The following USH2A variants were observed in gnomAD, a reference collection of about 807,000 sequenced individuals.
USH2A encodes usherin.
In USH2A, 443 loss-of-function variants were observed where a neutral mutation model predicts 538.9. The ratio of observed to expected loss-of-function variants is 0.82; its 90% CI spans 0.76 to 0.89. USH2A has a LOEUF of 0.89. USH2A is among the 40% of genes least tolerant of loss of function. The pLI is 0.00. For missense variants in USH2A, 6,633 were observed against 6,324.8 expected (o/e 1.05, Z -1.65); for synonymous variants, 2,413 against 2,273.5 (o/e 1.06, Z -1.75).
chr1:216,196,042 T>C (rs1347661545), intron 19 of USH2A: 1 of 175,668 alleles, frequency 5.7e-6, no homozygotes, highest in Non-Finnish European at 1.3e-5. Context: ...AATATATGAC[T>C]GTATATTCAA....
At position 215,888,839 on chromosome 1, in the gene USH2A, T is replaced by G. The variant is rs761850134; in HGVS notation, c.7810A>C (p.Thr2604Pro). ...GGTGAAAGGGAACATCCTTTTGAAG[T>G]GCAGGCTTCTACCTGAAACTTATAG... ...TAYKFQVEAC[T>P]SKGCSLSPES... The change falls in exon 41 of 72, where the codon ACT (threonine) becomes CCT (proline). Residue 2604 changes from threonine (T) to proline (P), a missense_variant. Coordinates refer to ENST00000307340, the MANE Select transcript of USH2A (RefSeq NM_206933.4). 1.9e-6 allele frequency: 3 copies of G among 1,614,142 alleles called. No homozygotes were observed.
At chr1:216,031,911 AACTCG>A (rs1202687360) in intron 32 of USH2A, among the ~76,000 whole-genome samples, 1 of 152,156 alleles carries the variant, frequency 6.6e-6, no homozygotes, top group Non-Finnish European at 1.5e-5. Context: ...TCAGTTCTTA[AACTCG>A]ACTCTAAAGC....
chr1:216,285,130 G>A (rs777339251), intron 11 of USH2A, among the ~76,000 whole-genome samples: 2 of 152,210 alleles, frequency 1.3e-5, no homozygotes, highest in African/African-American at 2.4e-5. Flanking sequence ...GAAGCCAAAT[G>A]TTAATCACCA....
chr1:216,324,250 C>A lies in USH2A; in HGVS notation c.1246G>T (p.Ala416Ser), dbSNP rs187897763. The change falls in exon 7 of 72, where the codon GCC becomes TCC. Residue 416 changes from alanine (A) to serine (S), a missense_variant. Physicochemically the swap from Ala to Ser is moderately conservative, Grantham distance 99 (BLOSUM62 1). Coordinates refer to ENST00000307340, the MANE Select transcript of USH2A (RefSeq NM_206933.4). ...ATTCCAAAAGCACCACAATTCCTGG[C>A]AAAATATTGCCAGTCCTCCCAATCT... The part of the protein sequence containing the change: ...SLDWEDWQYF[A>S]RNCGAFGMKN... 5 of 1,613,368 alleles carry A rather than the reference C, an allele frequency of 3.1e-6. No individual in the cohort carries two copies. In the Admixed American group the frequency reaches 6.7e-5, roughly 22 times the overall value.
intron 60 of USH2A, among the ~76,000 whole-genome samples, chr1:215,733,106 T>G (rs1660053216): frequency 6.7e-6 from 1 of 148,280 alleles, no homozygotes; most frequent in Non-Finnish European, 1.5e-5. Flanking sequence ...CATCTGCTTA[T>G]GAGAGACTCA....
chr1:215,949,690 G>A (rs144423428), intron 37 of USH2A, among the ~76,000 whole-genome samples: 126 of 151,796 alleles, frequency 8.3e-4, no homozygotes, highest in African/African-American at 2.9e-3. Flanking sequence ...AACTGTAGAC[G>A]GAGAAAATAT....
chr1:215,678,730 ACACG>A (rs774414940), intron 62 of USH2A, among the ~76,000 whole-genome samples: 92 of 152,082 alleles, frequency 6.0e-4, no homozygotes, highest in Non-Finnish European at 1.0e-3. Context: ...ACACACACAC[ACACG>A]CACGTGCACT....
chr1:215,656,169 T>C (rs1448117687), intron 64 of USH2A, among the ~76,000 whole-genome samples: 1 of 152,238 alleles, frequency 6.6e-6, no homozygotes, highest in Non-Finnish European at 1.5e-5. Flanking sequence ...GTTTTCACCT[T>C]AATGCTTTGC....
chr1:215,879,712 T>A (rs916060344), intron 41 of USH2A, among the ~76,000 whole-genome samples: 3 of 152,184 alleles, frequency 2.0e-5, no homozygotes, highest in Non-Finnish European at 2.9e-5. Context: ...GCCAAAGATG[T>A]TTGTGCTTAG....
At chr1:215,669,630 T>C (rs995464201) in intron 64 of USH2A, among the ~76,000 whole-genome samples, 7 of 152,216 alleles carry the variant, frequency 4.6e-5, no homozygotes, top group African/African-American at 1.7e-4. Context: ...CTGTTTAGAT[T>C]GGGTTTTGTT....
intron 4 of USH2A, among the ~76,000 whole-genome samples, chr1:216,338,772 C>T (rs1323321454): frequency 1.3e-5 from 2 of 151,196 alleles, no homozygotes; most frequent in Admixed American, 1.3e-4. Flanking sequence ...AACTCAAATG[C>T]CATATGTTTC....
intron 21 of USH2A, among the ~76,000 whole-genome samples, chr1:216,155,989 T>G (rs2033929468): frequency 6.6e-6 from 1 of 152,178 alleles, no homozygotes; most frequent in African/African-American, 2.4e-5. Context: ...ATGCCCTTCT[T>G]AAAAACATTC....
intron 4 of USH2A, among the ~76,000 whole-genome samples, chr1:216,340,669 C>T (rs540432380): frequency 1.3e-5 from 2 of 152,154 alleles, no homozygotes; most frequent in East Asian, 3.9e-4. Flanking sequence ...TGGCTTCATC[C>T]CTGGGATGCA....
chr1:216,390,143 T>G (rs1195511141), intron 3 of USH2A, among the ~76,000 whole-genome samples: 2 of 152,190 alleles, frequency 1.3e-5, no homozygotes, highest in Non-Finnish European at 2.9e-5. Context: ...AATTGTTTGA[T>G]ATCTTAAAAC....
In USH2A at chr1:216,199,624, T is replaced by C; in HGVS notation, c.3811+3A>G. On this transcript the variant is annotated splice_donor_region_variant and intron_variant, in intron 17 of 71. Coordinates refer to ENST00000307340, the MANE Select transcript of USH2A (RefSeq NM_206933.4). Reference sequence around the variant, plus strand: ...AAGGGGAATCTCAGCCTTGGATTCTTACCATTTAGTTCCGCTGGTGGAGAC... The same window carrying C: ...AAGGGGAATCTCAGCCTTGGATTCTCACCATTTAGTTCCGCTGGTGGAGAC... 1 of 1,613,966 alleles carries C rather than the reference T, an allele frequency of 6.2e-7. No individual in the cohort carries two copies. The highest frequency in any genetic ancestry group is 8.5e-7 in the Non-Finnish European group (1 of 1,179,982).
chr1:216,339,294 TTACA>T (rs2038031490), intron 4 of USH2A, among the ~76,000 whole-genome samples: 2 of 151,612 alleles, frequency 1.3e-5, no homozygotes, highest in South Asian at 4.1e-4. Context: ...ATATGAGCAC[TTACA>T]TAAATACTAA....
At chr1:215,645,185 T>C (rs1299071321) in intron 67 of USH2A, among the ~76,000 whole-genome samples, 1 of 152,048 alleles carries the variant, frequency 6.6e-6, no homozygotes, top group African/African-American at 2.4e-5. Context: ...TGAGCTGGGT[T>C]GTGGGCATGA....
intron 32 of USH2A, among the ~76,000 whole-genome samples, chr1:216,012,877 G>T (rs536761839): frequency 6.6e-6 from 1 of 152,130 alleles, no homozygotes; most frequent in East Asian, 1.9e-4. Context: ...CTTAGACTGT[G>T]CCCCAAAAAA....
At chr1:215,720,476 G>A (rs2820706) in intron 61 of USH2A, among the ~76,000 whole-genome samples, 57,107 of 152,060 alleles carry the variant, frequency 0.38, 10,941 homozygotes, top group African/African-American at 0.46. Flanking sequence ...TAATAGGCTA[G>A]CACAGAAGCT....
Sources: allele counts gnomAD v4.1 joint callset (sites outside exome capture counted in the v4.1 genomes callset), GRCh38; gene constraint gnomAD v4.1.1; transcripts MANE v1.5; gene names NCBI Gene and HGNC (gene_info 2026-07-23, HGNC 2026-07-21).